The following ATL1 variants were observed in gnomAD, a reference collection of about 807,000 sequenced individuals.
ATL1 encodes the protein atlastin GTPase 1, also known as atlastin-1.
Under a neutral mutation model 75.5 loss-of-function variants are expected in ATL1, and 31 were observed. The ratio of observed to expected loss-of-function variants is 0.41; its 90% confidence interval spans 0.31 to 0.55. ATL1 has a LOEUF of 0.55. ATL1 is among the 20% of genes least tolerant of loss of function. The pLI, the probability that ATL1 is intolerant of heterozygous loss-of-function variation, is 0.27. For synonymous variants in ATL1, 226 were observed against 233.3 expected (o/e 0.97, Z 0.28); for missense variants, 405 against 662.6 (o/e 0.61, Z 4.27).
chr14:50,540,442 G>A (rs564666530), intron 1 of ATL1, among the ~76,000 whole-genome samples: 10 of 152,246 alleles, frequency 6.6e-5, no homozygotes, highest in South Asian at 2.1e-4. Context: ...GGGTGAGGGC[G>A]GATGTCTTTG....
chr14:50,600,067 T>C (rs2039257965), intron 6 of ATL1, among the ~76,000 whole-genome samples: 1 of 151,998 alleles, frequency 6.6e-6, no homozygotes, highest in African/African-American at 2.4e-5. Context: ...CTTCTCTAAC[T>C]TGTTACTCAG....
intron 7 of ATL1, among the ~76,000 whole-genome samples, chr14:50,614,082 A>T (rs555491922): frequency 1.3e-5 from 2 of 152,304 alleles, no homozygotes; most frequent in African/African-American, 4.8e-5. Context: ...ATTTGTAGAA[A>T]CTAGCCAGAT....
At chr14:50,544,669 C>T (rs2038605470) in intron 1 of ATL1, among the ~76,000 whole-genome samples, 1 of 152,082 alleles carries the variant, frequency 6.6e-6, no homozygotes, top group South Asian at 2.1e-4. Context: ...GATGGTGGCT[C>T]ACACTTGTAA....
chr14:50,554,936 G>C (rs542615471), intron 1 of ATL1, among the ~76,000 whole-genome samples: 1 of 152,092 alleles, frequency 6.6e-6, no homozygotes. Context: ...GTGCACCTTT[G>C]TCTTTTTGGC....
At position 50,632,174 on chromosome 14, in the gene ATL1, T is replaced by A. The variant is rs539014397; in HGVS notation, c.1567-55T>A. 1,337 of 1,342,484 alleles carry A rather than the reference T, an allele frequency of 1.0e-3. 5 individuals are homozygous for A. Among genetic ancestry groups the A allele is most frequent in the Non-Finnish European group, 8.0e-4 (769 of 960,922 alleles). The allele number at this position is 1,342,484 out of a possible 1,614,324, so 83.2% of individuals were successfully genotyped here. A position where few individuals can be genotyped will look rare whatever the true frequency, so the allele number is the denominator to read the frequency against. ...GTACGATAAACTAAAAAGGAAAAAA[T>A]TTTACATCTGTGTGTTTAATAAAAT... On this transcript the variant is annotated intron_variant, in intron 13 of 13. Coordinates refer to ENST00000358385, the MANE Select transcript of ATL1 (RefSeq NM_015915.5).
chr14:50,572,777 A>G (rs527640540), intron 1 of ATL1, among the ~76,000 whole-genome samples: 6 of 152,294 alleles, frequency 3.9e-5, no homozygotes, highest in African/African-American at 1.2e-4. Flanking sequence ...GTTGATATGT[A>G]GTAGATTTAT....
chr14:50,618,451 A>T (rs1002155006), intron 8 of ATL1, among the ~76,000 whole-genome samples: 91 of 152,340 alleles, frequency 6.0e-4, no homozygotes, highest in African/African-American at 2.0e-3. Context: ...CAAACAGCAA[A>T]ATAAGTGAAT....
At chr14:50,553,959 C>T (rs986235340) in intron 1 of ATL1, among the ~76,000 whole-genome samples, 2 of 151,898 alleles carry the variant, frequency 1.3e-5, no homozygotes, top group Middle Eastern at 3.2e-3. Flanking sequence ...GGCAAAGGGT[C>T]GGGAGGGTGA....
At chr14:50,572,377 T>C (rs2140186373) in intron 1 of ATL1, among the ~76,000 whole-genome samples, 1 of 152,270 alleles carries the variant, frequency 6.6e-6, no homozygotes, top group Non-Finnish European at 1.5e-5. Flanking sequence ...GTTCATTCAA[T>C]TTCTGTTTTG....
chr14:50,533,481 T>A (rs1043282030), intron 1 of ATL1: 1 of 152,198 alleles, frequency 6.6e-6, no homozygotes, highest in Non-Finnish European at 1.5e-5. Context: ...ACAGCATATA[T>A]GGAACAGGAG....
chr14:50,548,662 G>A (rs185523288), intron 1 of ATL1, among the ~76,000 whole-genome samples: 134 of 152,032 alleles, frequency 8.8e-4, no homozygotes, highest in Middle Eastern at 3.4e-3. Flanking sequence ...GGCACACACC[G>A]CCACGCCCAG....
chr14:50,548,812 G>A (rs551867141), intron 1 of ATL1, among the ~76,000 whole-genome samples: 1 of 152,030 alleles, frequency 6.6e-6, no homozygotes, highest in Non-Finnish European at 1.5e-5. Context: ...ACCCGGCCTG[G>A]TCTCAATTAT....
chr14:50,602,237 T>C (rs974368281), intron 6 of ATL1, among the ~76,000 whole-genome samples: 28 of 152,192 alleles, frequency 1.8e-4, no homozygotes, highest in African/African-American at 5.1e-4. Flanking sequence ...TTTCCACTTG[T>C]ATGACTCTGA....
intron 8 of ATL1, among the ~76,000 whole-genome samples, chr14:50,618,889 A>T (rs1012253786): frequency 4.3e-4 from 58 of 134,140 alleles, no homozygotes; most frequent in African/African-American, 1.5e-3. Context: ...ATATATATAT[A>T]TATTTTTTTT....
intron 1 of ATL1, among the ~76,000 whole-genome samples, chr14:50,574,937 G>GTGTCTATATATATATA (rs1475087119): frequency 4.3e-5 from 1 of 23,156 alleles, no homozygotes; most frequent in African/African-American, 1.9e-4. Context: ...GTGTGTGTGT[G>GTGTCTATATATATATA]TATATATATA....
At chr14:50,632,154 A>G in intron 13 of ATL1, 75 bp from the exon 14 acceptor site, 1 of 995,506 alleles carries the variant, frequency 1.0e-6, no homozygotes, top group African/African-American at 1.7e-5. Context: ...ATACAGTACG[A>G]TAAACTAAAA....
At chr14:50,550,403 T>C (rs1184937566) in intron 1 of ATL1, among the ~76,000 whole-genome samples, 5 of 152,236 alleles carry the variant, frequency 3.3e-5, no homozygotes, top group Non-Finnish European at 7.3e-5. Flanking sequence ...TGGCAGCTGG[T>C]AATGTCTTCT....
intron 12 of ATL1, among the ~76,000 whole-genome samples, chr14:50,629,582 CCAAA>C (rs1465171106): frequency 7.2e-6 from 1 of 138,118 alleles, no homozygotes; most frequent in Non-Finnish European, 1.5e-5. Context: ...GCTCCATCTC[CCAAA>C]AAAAAAAAAA....
intron 1 of ATL1, among the ~76,000 whole-genome samples, chr14:50,568,058 T>A (rs1371291089): frequency 1.3e-5 from 2 of 152,200 alleles, no homozygotes; most frequent in Non-Finnish European, 2.9e-5. Flanking sequence ...TTCCTTTTTG[T>A]TTGTTTGTTT....
Sources: allele counts gnomAD v4.1 joint callset (sites outside exome capture counted in the v4.1 genomes callset), GRCh38; gene constraint gnomAD v4.1.1; transcripts MANE v1.5; gene names NCBI Gene and HGNC (gene_info 2026-07-23, HGNC 2026-07-21).